CSMD1: variants seen among roughly 807,000 people sequenced by gnomAD.
CSMD1 encodes the protein CUB and sushi domain-containing protein 1.
A neutral mutation model predicts 417.5 loss-of-function variants in CSMD1; 213 were observed. That is an observed-to-expected ratio of 0.51 (90% CI 0.46 to 0.57). CSMD1 has a LOEUF of 0.57. Among genes scored for constraint, CSMD1 ranks in the 20% least tolerant of loss-of-function variants. The pLI, the probability that CSMD1 is intolerant of heterozygous loss-of-function variation, is 0.00. For synonymous variants in CSMD1, 2,862 were observed against 1,736.8 expected (o/e 1.65, Z -16.11); for missense variants, 6,923 against 4,529.7 (o/e 1.53, Z -15.17).
intron 2 of CSMD1, among the ~76,000 whole-genome samples, chr8:4,423,021 TCTTCTCCAA>T (rs2128941466): frequency 6.6e-6 from 1 of 152,076 alleles, no homozygotes; most frequent in African/African-American, 2.4e-5. Context: ...TTGGAAGGAA[TCTTCTCCAA>T]CTTGACAAAG....
At chr8:4,195,557 C>A (rs968371) in intron 3 of CSMD1, among the ~76,000 whole-genome samples, 5 of 151,922 alleles carry the variant, frequency 3.3e-5, no homozygotes, top group Admixed American at 6.6e-5. Context: ...GTGCGTCTGA[C>A]CAATAGTATA....
At chr8:4,807,515 G>C (rs1048986682) in intron 1 of CSMD1, among the ~76,000 whole-genome samples, 2 of 152,114 alleles carry the variant, frequency 1.3e-5, no homozygotes, top group African/African-American at 2.4e-5. Context: ...CTAAACCCCA[G>C]ACAAACCAGA....
chr8:4,162,567 A>AT (rs1377925527), intron 3 of CSMD1, among the ~76,000 whole-genome samples: 4 of 152,076 alleles, frequency 2.6e-5, no homozygotes, highest in African/African-American at 7.2e-5. Context: ...AGTTACTTTG[A>AT]TTTTTTAAAT....
intron 6 of CSMD1, among the ~76,000 whole-genome samples, chr8:3,738,547 T>A (rs1464767925): frequency 6.6e-6 from 1 of 152,224 alleles, no homozygotes; most frequent in Non-Finnish European, 1.5e-5. Flanking sequence ...CAAACATGAA[T>A]GCCCTTCCCT....
chr8:3,557,494 G>A (rs376397907), intron 10 of CSMD1, among the ~76,000 whole-genome samples: 1 of 151,758 alleles, frequency 6.6e-6, no homozygotes, highest in African/African-American at 2.4e-5. Context: ...TAAACAACAT[G>A]TCTCATTATG....
chr8:4,020,044 T>C (rs1341969561), intron 4 of CSMD1, among the ~76,000 whole-genome samples: 1 of 152,064 alleles, frequency 6.6e-6, no homozygotes, highest in African/African-American at 2.4e-5. Context: ...AAATCGTGCT[T>C]AAGAGTGGAA....
chr8:4,419,852 C>A (rs756897201), intron 3 of CSMD1, 101 bp downstream of exon 3: 1 of 809,350 alleles, frequency 1.2e-6, no homozygotes, highest in Non-Finnish European at 2.0e-6. Context: ...CACGGAACGA[C>A]CTGCGACATA....
At chr8:3,881,771 T>G (rs1806223203) in intron 5 of CSMD1, among the ~76,000 whole-genome samples, 1 of 151,992 alleles carries the variant, frequency 6.6e-6, no homozygotes, top group Admixed American at 6.6e-5. Flanking sequence ...CTTAAGACTC[T>G]GAATGGTCGA....
intron 5 of CSMD1, among the ~76,000 whole-genome samples, chr8:3,938,626 G>A (rs532822590): frequency 6.6e-5 from 10 of 152,100 alleles, no homozygotes; most frequent in Non-Finnish European, 1.5e-4. Context: ...GGGCTAGGCT[G>A]CCCCAGCAGG....
At chr8:3,800,195 G>A (rs372628347) in intron 5 of CSMD1, among the ~76,000 whole-genome samples, 2 of 152,148 alleles carry the variant, frequency 1.3e-5, no homozygotes, top group East Asian at 3.9e-4. Context: ...AAATTCAGCA[G>A]AGAGCAGAAC....
chr8:4,988,342 C>T (rs1479457330), intron 1 of CSMD1, among the ~76,000 whole-genome samples: 4 of 152,180 alleles, frequency 2.6e-5, no homozygotes, highest in East Asian at 3.8e-4. Context: ...TGAAATATTC[C>T]TTTCCCTTTT....
chr8:3,451,509 G>T (rs1244713252), intron 12 of CSMD1, among the ~76,000 whole-genome samples: 1 of 152,160 alleles, frequency 6.6e-6, no homozygotes, highest in Non-Finnish European at 1.5e-5. Context: ...GTAAGGAAGG[G>T]ATTCAGTTTC....
intron 3 of CSMD1, among the ~76,000 whole-genome samples, chr8:4,225,026 C>A (rs748934064): frequency 3.3e-5 from 5 of 152,136 alleles, no homozygotes; most frequent in African/African-American, 1.2e-4. Context: ...GCAAGACAAT[C>A]GCTTGAACCC....
chr8:2,938,825 C>T (rs1420273928), intron 69 of CSMD1, 81 bp from the exon 70 acceptor site: 8 of 1,278,028 alleles, frequency 6.3e-6, no homozygotes, highest in Admixed American at 4.1e-5. Context: ...CAGGAGACAA[C>T]GTCTACAGAG....
intron 26 of CSMD1, among the ~76,000 whole-genome samples, chr8:3,263,189 C>G (rs538762512): frequency 6.6e-6 from 1 of 152,300 alleles, no homozygotes; most frequent in East Asian, 1.9e-4. Context: ...ACCCCTGCCT[C>G]CTGGGTTCAA....
intron 33 of CSMD1, among the ~76,000 whole-genome samples, chr8:3,191,527 A>G (rs2129051291): frequency 6.6e-6 from 1 of 152,242 alleles, no homozygotes; most frequent in South Asian, 2.1e-4. Flanking sequence ...GGTTCTGTAA[A>G]ATGGGAGGCC....
chr8:4,124,891 G>A (rs966272202), intron 3 of CSMD1, among the ~76,000 whole-genome samples: 3 of 152,120 alleles, frequency 2.0e-5, no homozygotes, highest in East Asian at 3.9e-4. Context: ...AAGCGGAGGG[G>A]TTATAAGGAG....
intron 2 of CSMD1, among the ~76,000 whole-genome samples, chr8:4,454,291 A>G (rs908888792): frequency 3.3e-4 from 50 of 152,250 alleles, no homozygotes; most frequent in African/African-American, 1.2e-3. Context: ...ACTTCGGTGG[A>G]CACCAGACGC....
intron 7 of CSMD1, among the ~76,000 whole-genome samples, chr8:3,638,708 C>T (rs1381938319): frequency 1.3e-5 from 2 of 152,098 alleles, no homozygotes; most frequent in East Asian, 1.9e-4. Context: ...GGGCAAAAGG[C>T]TTGTGGTCAG....
Sources: allele counts gnomAD v4.1 joint callset (sites outside exome capture counted in the v4.1 genomes callset), GRCh38; gene constraint gnomAD v4.1.1; transcripts MANE v1.5; gene names NCBI Gene and HGNC (gene_info 2026-07-23, HGNC 2026-07-21).